The following BRD8 variants were observed in gnomAD, a reference collection of about 807,000 sequenced individuals.
BRD8 encodes bromodomain-containing protein 8.
A neutral mutation model predicts 143.1 loss-of-function variants in BRD8; 67 were observed. The observed-to-expected ratio is 0.47, with a 90% CI of 0.38 to 0.57. BRD8 has a LOEUF of 0.57. Among genes scored for constraint, BRD8 ranks in the 20% least tolerant of loss-of-function variants. The probability of loss-of-function intolerance (pLI) is 0.00; values close to 1 mark genes in which losing one functional copy is unlikely to be tolerated. For missense variants in BRD8, 1,103 were observed against 1,503.0 expected (o/e 0.73, Z 4.40); for synonymous variants, 505 against 517.1 (o/e 0.98, Z 0.32).
chr5:138,174,591 CAAAA>C (rs76909663), intron 2 of BRD8, among the ~76,000 whole-genome samples: 1 of 114,716 alleles, frequency 8.7e-6, no homozygotes. Context: ...GACTCCATCT[CAAAA>C]AAAAAAAAAA....
Position 138,167,995 on chromosome 5 carries a change from C to G in BRD8, c.726G>C (p.Met242Ile). 3.1e-6 allele frequency: 5 copies of G among 1,613,470 alleles called. No individual in the cohort carries two copies. The highest frequency in any genetic ancestry group is 3.4e-6 in the Non-Finnish European group (4 of 1,179,414). ...VLLEVGGVLP[M>I]IHGGEIQQTP... ...TTTGCTGTATCTCCCCACCATGTAT[C>G]ATGGGAAGGACCCCGCCTACCTCCA... is the stretch of plus-strand genomic sequence containing the variant. The change falls in exon 9 of 27, where the codon ATG becomes ATC. Residue 242 changes from methionine to isoleucine, a missense_variant. Met to Ile is a conservative substitution (Grantham distance 10). This residue lies in a region of BRD8 where 334 missense variants were observed against 372.5 expected (regional missense o/e 0.90). Transcript: ENST00000254900.
At chr5:138,146,000 T>A in intron 23 of BRD8, 122 bp from the exon 24 acceptor site, 1 of 657,530 alleles carries the variant, frequency 1.5e-6, no homozygotes, top group South Asian at 2.0e-5. Flanking sequence ...GCTTTTTATC[T>A]CCCCTTATCT....
At chr5:138,140,217 A>C (rs1425538558) in intron 26 of BRD8, 51 bp from the exon 27 acceptor site, 1 of 1,322,648 alleles carries the variant, frequency 7.6e-7, no homozygotes, top group Non-Finnish European at 1.1e-6. Flanking sequence ...TAAACACTAA[A>C]GTATTGCAAG....
chr5:138,177,680 G>GAT lies in BRD8; in HGVS notation c.20-14_20-13insAT. The GAT allele has an allele frequency of 1.7e-6, 2 of 1,201,810 alleles. No individual in the cohort carries two copies. Among genetic ancestry groups the GAT allele is most frequent in the Non-Finnish European group, 2.3e-6 (2 of 857,564 alleles). 74.4% of individuals were successfully genotyped at this position (1,201,810 alleles called of 1,614,324 possible). On this transcript the variant is annotated splice_polypyrimidine_tract_variant and intron_variant, in intron 1 of 26. Coordinates refer to ENST00000254900, the MANE Select transcript of BRD8 (RefSeq NM_139199.2). The stretch of plus-strand genomic sequence containing the variant: ...AGCAGCTTGTGTTCTGGGAAAGGGA[G>GAT]AAAAAAAAAAAAGCCTTGGAAACAA...
At position 138,161,782 on chromosome 5, in the gene BRD8, G is replaced by A; in HGVS notation, c.2249+14C>T. 2 of 1,609,644 alleles carry A rather than the reference G, an allele frequency of 1.2e-6. No homozygotes were observed. Among genetic ancestry groups the A allele is most frequent in the Non-Finnish European group, 1.7e-6 (2 of 1,176,720 alleles). ...ATTCAGGCAAGTTACCATGCTGGGT[G>A]GACCATGGCTCACCTCTGCACAATG... On this transcript the variant is annotated intron_variant, in intron 17 of 26. Transcript: ENST00000254900.
chr5:138,171,071 T>G lies in BRD8; in HGVS notation c.326A>C (p.Lys109Thr), dbSNP rs372550797. 1.4e-5 allele frequency: 23 copies of G among 1,613,940 alleles called. No homozygotes were observed. The highest frequency in any genetic ancestry group is 1.9e-5 in the Non-Finnish European group (23 of 1,180,008). Residue 109 changes from lysine to threonine, a missense_variant, in exon 5 of 27, where the codon AAG (lysine) becomes ACG (threonine). Lys to Thr is a moderately conservative substitution (Grantham distance 78). Around this residue, in one of 7 missense-constraint regions of BRD8, gnomAD observed 334 missense variants for 372.5 expected, o/e 0.90. Transcript: ENST00000254900. ...KLTAERVEEL[K>T]KVIKETQERY... ...CTCCTGGGTTTCCTTTATCACTTTC[T>G]TTAGTTCTTCAACTCGCTCAGCAGT...
Position 138,149,767 on chromosome 5 carries a change from C to T in BRD8, c.3151G>A (p.Asp1051Asn), listed in dbSNP as rs1387548557. ...TCTGACACATATACTTCACCCTGGTCCTCCCCTTTGGATTCTTGCTGAGCC... is the reference window on the plus strand; with the variant it reads ...TCTGACACATATACTTCACCCTGGTTCTCCCCTTTGGATTCTTGCTGAGCC... ...GEAQQESKGEDQGEVYVSEME... is the reference protein window; with the variant it reads ...GEAQQESKGENQGEVYVSEME... Residue 1051 changes from aspartate to asparagine, a missense_variant, in exon 23 of 27, where the codon GAC becomes AAC. By Grantham distance (23) the Asp-to-Asn change is conservative. Around this residue, in one of 7 missense-constraint regions of BRD8, gnomAD observed 369 missense variants for 445.5 expected, o/e 0.83. Transcript: ENST00000254900. The T allele has an allele frequency of 1.9e-6, 3 of 1,611,020 alleles. No homozygotes were observed. Among genetic ancestry groups the T allele is most frequent in the Non-Finnish European group, 2.5e-6 (3 of 1,179,126 alleles).
chr5:138,159,664 C>T, intron 19 of BRD8, 65 bp from the exon 20 acceptor site: 2 of 1,512,534 alleles, frequency 1.3e-6, no homozygotes, highest in Non-Finnish European at 1.8e-6. Flanking sequence ...GCACCCCAAA[C>T]CTCAGGACAG....
chr5:138,178,120 G>C (rs1273411615), intron 1 of BRD8, among the ~76,000 whole-genome samples: 1 of 152,058 alleles, frequency 6.6e-6, no homozygotes, highest in Non-Finnish European at 1.5e-5. Flanking sequence ...CAAATGTCGG[G>C]GGTAAAAGAG....
At chr5:138,153,673 CTTTTTTTTTT>C (rs67848204) in intron 20 of BRD8, among the ~76,000 whole-genome samples, 1 of 107,360 alleles carries the variant, frequency 9.3e-6, no homozygotes, top group South Asian at 3.2e-4. Flanking sequence ...CTTTTCTTTT[CTTTTTTTTTT>C]TTTTTTTTTT....
chr5:138,166,788 A>T, intron 9 of BRD8, 61 bp from the exon 10 acceptor site: 1 of 979,870 alleles, frequency 1.0e-6, no homozygotes, highest in Non-Finnish European at 1.6e-6. Flanking sequence ...AAGAAGCAAT[A>T]GCTACTTGAA....
chr5:138,152,580 C>G lies in BRD8; in HGVS notation c.2758G>C (p.Glu920Gln). Reference protein sequence around the residue: ...EELEESSPEREPSELLVGDGG... With the variant: ...EELEESSPERQPSELLVGDGG... ...TCCCCAACAAGCAGTTCACTAGGTT[C>G]TCTCTCCGGGCTGCTTTCCTCTAGT... The change falls in exon 21 of 27, where the codon GAA (glutamate) becomes CAA (glutamine). Residue 920 changes from glutamate (E) to glutamine (Q), a missense_variant. Around this residue, in one of 7 missense-constraint regions of BRD8, gnomAD observed 369 missense variants for 445.5 expected, o/e 0.83. Coordinates refer to ENST00000254900, the MANE Select transcript of BRD8 (RefSeq NM_139199.2). The G allele has an allele frequency of 6.2e-7, 1 of 1,614,202 alleles. No individual in the cohort carries two copies. Among genetic ancestry groups the G allele is most frequent in the Non-Finnish European group, 8.5e-7 (1 of 1,180,036 alleles).
chr5:138,145,960 C>A (rs1324254538), intron 23 of BRD8, 82 bp from the exon 24 acceptor site: 1 of 1,086,590 alleles, frequency 9.2e-7, no homozygotes, highest in African/African-American at 1.5e-5. Context: ...ATGAGGTTTT[C>A]TTAAGACATG....
chr5:138,161,861 A>G lies in BRD8; in HGVS notation c.2184T>C (p.Tyr728=), dbSNP rs763686979. Reference sequence around the variant, plus strand: ...TAACAGGCTGCAGGAAGACATTGGCATACCTGTCCAAAAGGAATAAGGTGC... The same window carrying G: ...TAACAGGCTGCAGGAAGACATTGGCGTACCTGTCCAAAAGGAATAAGGTGC... ...LVWRAAANHR[Y]ANVFLQPVTD... is the part of the protein sequence containing the mutation. Residue 728 remains tyrosine, a synonymous_variant, in exon 17 of 27, where the codon TAT becomes TAC. Transcript: ENST00000254900. 9 of 1,614,032 alleles carry G rather than the reference A, an allele frequency of 5.6e-6. No homozygotes were observed. The Admixed American group carries it at 1.5e-4, about 27-fold the overall frequency.
At chr5:138,163,499 TAC>T in intron 14 of BRD8, 155 bp from the exon 15 acceptor site, 2 of 1,381,060 alleles carry the variant, frequency 1.4e-6, no homozygotes, top group South Asian at 1.3e-5. Flanking sequence ...ACCATCTACT[TAC>T]AGACACTGCG....
chr5:138,159,180 G>A (rs888209097), intron 20 of BRD8, among the ~76,000 whole-genome samples: 6 of 152,094 alleles, frequency 3.9e-5, no homozygotes, highest in African/African-American at 9.7e-5. Flanking sequence ...TATTTGCTGA[G>A]TACTGCCATT....
At chr5:138,149,344 C>T (rs766131585) in intron 23 of BRD8, among the ~76,000 whole-genome samples, 12 of 151,886 alleles carry the variant, frequency 7.9e-5, no homozygotes, top group Non-Finnish European at 1.0e-4. Context: ...GTCTCAAAGT[C>T]CTGGGATCAA....
At chr5:138,161,401 A>G (rs1752987412) in intron 17 of BRD8, among the ~76,000 whole-genome samples, 1 of 151,974 alleles carries the variant, frequency 6.6e-6, no homozygotes, top group Non-Finnish European at 1.5e-5. Context: ...TGCAGCCTCG[A>G]ACTTCCAGGC....
chr5:138,143,531 C>G (rs1279222802), intron 25 of BRD8, among the ~76,000 whole-genome samples: 1 of 152,146 alleles, frequency 6.6e-6, no homozygotes, highest in Non-Finnish European at 1.5e-5. Context: ...AGAGGTGAAG[C>G]TGGCTGGGCT....
Sources: gnomAD v4.1 joint callset for allele counts (sites outside exome capture counted in the v4.1 genomes callset) on GRCh38, gnomAD v4.1.1 for gene constraint, gnomAD v4.1.1 regional missense constraint, MANE v1.5 for transcripts, NCBI Gene and HGNC (gene_info 2026-07-23, HGNC 2026-07-21) for gene names.